The following PDZD2 variants were observed in gnomAD, a reference collection of about 807,000 sequenced individuals.
PDZD2 encodes PDZ domain-containing protein 2.
A neutral mutation model predicts 220.7 loss-of-function variants in PDZD2; 90 were observed. That is an observed-to-expected ratio of 0.41 (90% confidence interval 0.34 to 0.49). The LOEUF (loss-of-function observed/expected upper bound fraction) is 0.49, where lower values mean the gene tolerates loss of function less well. PDZD2 is among the 20% of genes least tolerant of loss of function. The probability of loss-of-function intolerance (pLI) is 0.28; values close to 1 mark genes in which losing one functional copy is unlikely to be tolerated. For missense variants in PDZD2, 3,174 were observed against 3,608.5 expected, an observed-to-expected ratio of 0.88 and a Z score of 3.08; for synonymous variants, 1,375 against 1,450.5, an observed-to-expected ratio of 0.95 and a Z score of 1.18.
intron 2 of PDZD2, among the ~76,000 whole-genome samples, chr5:31,868,523 C>T (rs1356183410): frequency 1.3e-5 from 2 of 152,108 alleles, no homozygotes; most frequent in Admixed American, 6.6e-5. Flanking sequence ...CTTTTCTCAA[C>T]AATAAAGCAA....
intron 1 of PDZD2, among the ~76,000 whole-genome samples, chr5:31,691,458 T>C (rs1190063198): frequency 7.7e-6 from 1 of 129,084 alleles, no homozygotes; most frequent in Non-Finnish European, 1.7e-5. Context: ...GCAGCCTGCT[T>C]TTATTCTCTT....
chr5:31,961,742 C>G (rs898948665), intron 2 of PDZD2, among the ~76,000 whole-genome samples: 11 of 152,158 alleles, frequency 7.2e-5, no homozygotes, highest in African/African-American at 2.7e-4. Context: ...CCTCCGGTTT[C>G]AAGGGATTCT....
At chr5:31,699,260 CAAG>C (rs1356362534) in intron 1 of PDZD2, among the ~76,000 whole-genome samples, 8 of 152,156 alleles carry the variant, frequency 5.3e-5, no homozygotes, top group African/African-American at 1.7e-4. Context: ...AGAAAAATCT[CAAG>C]AAGGTGGTGG....
intron 1 of PDZD2, among the ~76,000 whole-genome samples, chr5:31,645,217 C>A (rs1352178206): frequency 1.3e-5 from 2 of 152,098 alleles, no homozygotes; most frequent in Non-Finnish European, 2.9e-5. Context: ...TAACAGCTTC[C>A]TGAGGAAGGG....
rs773481646 is a variant in PDZD2, at chr5:32,090,884, G to A, written c.7436G>A (p.Arg2479His). Residue 2479 changes from arginine to histidine, a missense_variant, in exon 20 of 25, where the codon CGC becomes CAC. Arg to His is a conservative substitution (Grantham distance 29). Transcript: ENST00000438447. The surrounding 1 kb of genome is among the most constrained non-coding windows in gnomAD (Gnocchi z 4.3). Reference protein sequence around the residue: ...VRHTQPSPVSRSKLQELRALS... With the variant: ...VRHTQPSPVSHSKLQELRALS... ...CACACGCAGCCCTCGCCCGTGTCCC[G>A]CTCCAAGCTCCAGGAGCTGAGAGCC... The A allele has an allele frequency of 1.5e-5, 25 of 1,613,956 alleles. No individual in the cohort carries two copies. Among genetic ancestry groups the A allele is most frequent in the Middle Eastern group, 1.6e-4 (1 of 6,062 alleles).
intron 1 of PDZD2, among the ~76,000 whole-genome samples, chr5:31,798,665 C>T (rs1399256509): frequency 1.3e-5 from 2 of 152,118 alleles, no homozygotes; most frequent in African/African-American, 4.8e-5. Context: ...AGGAAACTTC[C>T]TGGAGAAGGC....
At chr5:31,699,052 G>A (rs1304281813) in intron 1 of PDZD2, among the ~76,000 whole-genome samples, 1 of 152,162 alleles carries the variant, frequency 6.6e-6, no homozygotes, top group Non-Finnish European at 1.5e-5. Flanking sequence ...TCCTCCATTT[G>A]TTAAACAGAT....
intron 2 of PDZD2, among the ~76,000 whole-genome samples, chr5:31,900,073 T>C (rs1337045549): frequency 6.6e-6 from 1 of 152,210 alleles, no homozygotes; most frequent in Non-Finnish European, 1.5e-5. Flanking sequence ...GCTGACATAA[T>C]GCCTGGCAGG....
At chr5:31,925,757 C>T (rs1050154474) in intron 2 of PDZD2, among the ~76,000 whole-genome samples, 16 of 133,716 alleles carry the variant, frequency 1.2e-4, no homozygotes, top group African/African-American at 4.3e-4. Flanking sequence ...AACTAGCCAA[C>T]AAGCAAAAAA....
At chr5:31,846,040 C>T (rs80094348) in intron 2 of PDZD2, among the ~76,000 whole-genome samples, 6,673 of 152,272 alleles carry the variant, frequency 0.044, 448 homozygotes, top group African/African-American at 0.15. Context: ...AACCATTCTC[C>T]GGTTCCATGA....
intron 2 of PDZD2, among the ~76,000 whole-genome samples, chr5:31,831,878 C>G (rs1756614242): frequency 7.3e-6 from 1 of 137,764 alleles, no homozygotes; most frequent in South Asian, 2.3e-4. Context: ...TGCCCCACTG[C>G]ACTCCAGCCT....
chr5:32,100,713 C>T (rs1367548915), intron 23 of PDZD2: 9 of 395,242 alleles, frequency 2.3e-5, no homozygotes, highest in Non-Finnish European at 4.5e-5. Context: ...CATTAGCAGC[C>T]AGGGTTGGCA....
intron 2 of PDZD2, among the ~76,000 whole-genome samples, chr5:31,947,814 C>CT (rs1206244952): frequency 1.3e-5 from 2 of 151,200 alleles, no homozygotes; most frequent in East Asian, 2.0e-4. Flanking sequence ...GTGACCTGGT[C>CT]TATGCGTCTG....
chr5:31,777,341 G>A (rs1011872987), intron 1 of PDZD2, among the ~76,000 whole-genome samples: 26 of 152,190 alleles, frequency 1.7e-4, no homozygotes, highest in Admixed American at 5.2e-4. Flanking sequence ...GCCTCCCTGC[G>A]GTGCAGGGCT....
At chr5:32,103,257 C>T (rs528398149) in intron 24 of PDZD2, among the ~76,000 whole-genome samples, 26 of 151,494 alleles carry the variant, frequency 1.7e-4, no homozygotes, top group African/African-American at 6.1e-4. Context: ...AACAAACAAA[C>T]AAAAAACAAG....
chr5:31,723,139 A>G (rs919189108), intron 1 of PDZD2, among the ~76,000 whole-genome samples: 6 of 152,272 alleles, frequency 3.9e-5, no homozygotes, highest in Admixed American at 2.6e-4. Flanking sequence ...TCAAATATAC[A>G]AAGATTCTAG....
chr5:31,664,245 C>T (rs1291179507), intron 1 of PDZD2, among the ~76,000 whole-genome samples: 1 of 152,000 alleles, frequency 6.6e-6, no homozygotes, highest in Admixed American at 6.6e-5. Context: ...TCAAGCAGTC[C>T]TCCCACCTCA....
chr5:32,003,347 A>G (rs1249052054), intron 5 of PDZD2, among the ~76,000 whole-genome samples: 1 of 26,478 alleles, frequency 3.8e-5, no homozygotes, highest in African/African-American at 1.7e-4. Flanking sequence ...CACCACACAC[A>G]CACCACACAC....
chr5:31,776,454 A>T (rs775591678), intron 1 of PDZD2, among the ~76,000 whole-genome samples: 5 of 61,600 alleles, frequency 8.1e-5, no homozygotes, highest in African/African-American at 2.4e-4. Context: ...TTTTTATTTT[A>T]TTTATTTATT....
Sources: gnomAD v4.1 joint callset for allele counts (sites outside exome capture counted in the v4.1 genomes callset) on GRCh38, gnomAD v4.1.1 for gene constraint, Gnocchi (gnomAD v3.1) non-coding constraint, MANE v1.5 for transcripts, NCBI Gene and HGNC (gene_info 2026-07-23, HGNC 2026-07-21) for gene names.